The following KAZN variants were observed in gnomAD, a reference collection of about 807,000 sequenced individuals.
The protein encoded by KAZN is kazrin.
In KAZN, 40 loss-of-function variants were observed where a neutral mutation model predicts 87.4. The ratio of observed to expected loss-of-function variants is 0.46; its 90% CI spans 0.36 to 0.60. The LOEUF is 0.60. KAZN is among the 20% of genes least tolerant of loss of function. The pLI, the probability that KAZN is intolerant of heterozygous loss-of-function variation, is 0.00. For missense variants in KAZN, 898 were observed against 1,073.9 expected (o/e 0.84, Z 2.29); for synonymous variants, 466 against 458.3 (o/e 1.02, Z -0.22).
chr1:13,910,812 G>A (rs1169979502), intron 1 of KAZN, among the ~76,000 whole-genome samples: 1 of 152,064 alleles, frequency 6.6e-6, no homozygotes, highest in African/African-American at 2.4e-5. Context: ...AGATATGTAG[G>A]TGTGTTCGGC....
At chr1:14,298,348 T>A (rs1400698268) in intron 2 of KAZN, among the ~76,000 whole-genome samples, 5 of 152,204 alleles carry the variant, frequency 3.3e-5, no homozygotes, top group African/African-American at 1.2e-4. Context: ...AAATCACCCC[T>A]GTGTTCCTCC....
At chr1:14,219,509 A>T (rs1647045212) in intron 2 of KAZN, among the ~76,000 whole-genome samples, 1 of 152,186 alleles carries the variant, frequency 6.6e-6, no homozygotes, top group African/African-American at 2.4e-5. Flanking sequence ...TTTCATGCAA[A>T]ATAAGACTCA....
In KAZN at chr1:14,882,731, C is replaced by T. The variant is rs550828282; in HGVS notation, c.227-77953C>T. Among the ~76,000 whole-genome samples, 7 of 152,274 alleles carry T rather than the reference C, an allele frequency of 4.6e-5. No individual in the cohort carries two copies. In the East Asian group the frequency reaches 1.4e-3, roughly 29 times the overall value. On this transcript the variant is annotated intron_variant, in intron 1 of 14. Transcript: ENST00000376030. ...CTTGCAAAACTAAAAGCAATTATAG[C>T]ACAGTTTTAAAAGTTCATTGGCATT...
intron 2 of KAZN, among the ~76,000 whole-genome samples, chr1:14,354,504 T>C (rs776311478): frequency 6.6e-6 from 1 of 152,180 alleles, no homozygotes; most frequent in Non-Finnish European, 1.5e-5. Context: ...GCAAAATACT[T>C]GACTAGCAGA....
chr1:13,913,789 C>T (rs1243582867), intron 1 of KAZN, among the ~76,000 whole-genome samples: 3 of 152,226 alleles, frequency 2.0e-5, no homozygotes, highest in African/African-American at 4.8e-5. Context: ...AACACAGGCT[C>T]TCAGCCCCGC....
chr1:14,873,924 A>G (rs1170557576), intron 1 of KAZN, among the ~76,000 whole-genome samples: 1 of 152,206 alleles, frequency 6.6e-6, no homozygotes, highest in East Asian at 1.9e-4. Flanking sequence ...GAATGATTCC[A>G]GAGATGCACC....
intron 2 of KAZN, among the ~76,000 whole-genome samples, chr1:14,302,257 G>A (rs1322383660): frequency 6.6e-6 from 1 of 152,176 alleles, no homozygotes; most frequent in Admixed American, 6.5e-5. Context: ...CAAAGAGTTG[G>A]AGAGAACAGA....
chr1:15,087,025 C>A (rs973369155), intron 8 of KAZN, among the ~76,000 whole-genome samples: 6 of 152,214 alleles, frequency 3.9e-5, no homozygotes, highest in Non-Finnish European at 8.8e-5. Flanking sequence ...AGTCCAGGGA[C>A]CACACTTTGA....
intron 2 of KAZN, among the ~76,000 whole-genome samples, chr1:14,446,829 G>T (rs60936775): frequency 1.3e-5 from 2 of 152,144 alleles, no homozygotes; most frequent in African/African-American, 4.8e-5. Context: ...TCTAAGGAAA[G>T]ATCCCCATCC....
chr1:15,009,151 G>A (rs868250763), intron 2 of KAZN, among the ~76,000 whole-genome samples: 24 of 152,138 alleles, frequency 1.6e-4, no homozygotes, highest in African/African-American at 5.6e-4. Flanking sequence ...CCTACTGCCC[G>A]GGCACTGACT....
intron 2 of KAZN, among the ~76,000 whole-genome samples, chr1:14,522,600 G>A (rs1268196328): frequency 6.6e-6 from 1 of 152,158 alleles, no homozygotes. Context: ...CCCGAGAAAA[G>A]AACAAATGCA....
chr1:14,479,807 C>A (rs760258325), intron 2 of KAZN, among the ~76,000 whole-genome samples: 2 of 152,170 alleles, frequency 1.3e-5, no homozygotes, highest in Admixed American at 6.5e-5. Context: ...AAATGGATGG[C>A]TGGTTGCATC....
chr1:13,967,187 T>G (rs1461929942), intron 1 of KAZN, among the ~76,000 whole-genome samples: 1 of 152,214 alleles, frequency 6.6e-6, no homozygotes, highest in Non-Finnish European at 1.5e-5. Context: ...AGAAGGTACC[T>G]GGTAGTTGGC....
At chr1:14,710,380 A>G (rs1313821504) in intron 1 of KAZN, among the ~76,000 whole-genome samples, 1 of 152,128 alleles carries the variant, frequency 6.6e-6, no homozygotes, top group East Asian at 1.9e-4. Flanking sequence ...TGTACTGCTC[A>G]AAACCTCCCA....
chr1:14,374,598 C>T (rs1389728086), intron 2 of KAZN, among the ~76,000 whole-genome samples: 1 of 152,096 alleles, frequency 6.6e-6, no homozygotes, highest in Non-Finnish European at 1.5e-5. Context: ...TTAGCAAAGT[C>T]TCTAGTGATG....
At chr1:14,278,440 C>G (rs905763611) in intron 2 of KAZN, among the ~76,000 whole-genome samples, 4 of 151,662 alleles carry the variant, frequency 2.6e-5, no homozygotes, top group Non-Finnish European at 5.9e-5. Flanking sequence ...CAGGTACCCG[C>G]CACCATGCCC....
chr1:14,565,028 T>G (rs1401651080), intron 2 of KAZN, among the ~76,000 whole-genome samples: 1 of 152,098 alleles, frequency 6.6e-6, no homozygotes, highest in Non-Finnish European at 1.5e-5. Context: ...AAAAAATTAT[T>G]ATGAAGCTTT....
intron 4 of KAZN, among the ~76,000 whole-genome samples, chr1:15,053,394 G>A (rs538250384): frequency 6.6e-6 from 1 of 152,342 alleles, no homozygotes; most frequent in Admixed American, 6.5e-5. Flanking sequence ...TTACCCCATT[G>A]TTCTTGCAGT....
Position 14,840,807 on chromosome 1 carries a change from A to T in KAZN, c.227-119877A>T, listed in dbSNP as rs986529181. 4.6e-5 allele frequency among the ~76,000 whole-genome samples: 7 copies of T among 152,366 alleles called. No homozygotes were observed. In the East Asian group the frequency reaches 1.3e-3, roughly 29 times the overall value. On this transcript the variant is annotated intron_variant, in intron 1 of 14. Transcript: ENST00000376030. ...CATACTGTAAACAGAAGGGTAATTT[A>T]TTCATATCTATTGAATGCATGCCTA...
Sources: allele counts gnomAD v4.1 joint callset (sites outside exome capture counted in the v4.1 genomes callset), GRCh38; gene constraint gnomAD v4.1.1; transcripts MANE v1.5; gene names NCBI Gene and HGNC (gene_info 2026-07-23, HGNC 2026-07-21).